VPS8: variants seen among roughly 807,000 people sequenced by gnomAD.
VPS8 encodes the protein vacuolar protein sorting-associated protein 8 homolog.
In VPS8, 129 loss-of-function variants were observed where a neutral mutation model predicts 216.4. The observed-to-expected ratio is 0.60, with a 90% CI of 0.52 to 0.69. The LOEUF (loss-of-function observed/expected upper bound fraction) is 0.69, where lower values mean the gene tolerates loss of function less well. Ranked by LOEUF, VPS8 falls within the 30% of genes least tolerant of loss-of-function variation. The probability of loss-of-function intolerance (pLI) is 0.00; values close to 1 mark genes in which losing one functional copy is unlikely to be tolerated. For synonymous variants in VPS8, 571 were observed against 565.4 expected (o/e 1.01, Z -0.14); for missense variants, 1,531 against 1,683.5 (o/e 0.91, Z 1.59).
At chr3:185,049,799 C>T (rs1487496583) in intron 47 of VPS8, among the ~76,000 whole-genome samples, 1 of 152,178 alleles carries the variant, frequency 6.6e-6, no homozygotes, top group African/African-American at 2.4e-5. Flanking sequence ...ACGCACTCCC[C>T]TTTCTTAGGC....
intron 25 of VPS8, among the ~76,000 whole-genome samples, chr3:184,903,997 C>T (rs1735040286): frequency 6.6e-6 from 1 of 151,762 alleles, no homozygotes; most frequent in African/African-American, 2.4e-5. Flanking sequence ...TTTTATTCAC[C>T]TTGATGCTGT....
At chr3:184,825,459 C>A (rs771106329) in intron 2 of VPS8, among the ~76,000 whole-genome samples, 1 of 152,084 alleles carries the variant, frequency 6.6e-6, no homozygotes, top group Non-Finnish European at 1.5e-5. Flanking sequence ...TTATCTCTCA[C>A]CATAATTTAT....
intron 44 of VPS8, among the ~76,000 whole-genome samples, chr3:184,998,732 G>T (rs917350777): frequency 1.3e-5 from 2 of 151,926 alleles, no homozygotes; most frequent in Non-Finnish European, 2.9e-5. Flanking sequence ...AATCAATAGG[G>T]AATTTCTTTA....
chr3:184,868,099 T>C, intron 18 of VPS8, 40 bp downstream of exon 18: 1 of 1,601,022 alleles, frequency 6.2e-7, no homozygotes, highest in African/African-American at 1.3e-5. Context: ...GTTACTGAAT[T>C]GGTAGCTTCT....
intron 28 of VPS8, among the ~76,000 whole-genome samples, chr3:184,915,957 T>A: frequency 6.6e-6 from 1 of 152,156 alleles, no homozygotes; most frequent in South Asian, 2.1e-4. Context: ...TTCCTTGCCT[T>A]CCTCCCTTTC....
At chr3:184,918,923 A>G (rs993346474) in intron 28 of VPS8, 4 of 152,236 alleles carry the variant, frequency 2.6e-5, no homozygotes, top group Admixed American at 1.3e-4. Context: ...CATATACATC[A>G]GAATAACTTC....
chr3:184,866,800 A>T, intron 16 of VPS8, 76 bp from the exon 17 acceptor site: 1 of 1,348,354 alleles, frequency 7.4e-7, no homozygotes, highest in Non-Finnish European at 1.0e-6. Flanking sequence ...AGTCATTAAT[A>T]GTGATGAAAT....
intron 37 of VPS8, among the ~76,000 whole-genome samples, chr3:184,957,797 A>G (rs1745864588): frequency 1.3e-5 from 2 of 152,224 alleles, no homozygotes; most frequent in Non-Finnish European, 2.9e-5. Context: ...GTATTTTAAC[A>G]AAGAGCCTTA....
chr3:184,873,555 T>A (rs1403079814), intron 21 of VPS8, among the ~76,000 whole-genome samples: 1 of 152,132 alleles, frequency 6.6e-6, no homozygotes, highest in African/African-American at 2.4e-5. Flanking sequence ...AATTATTTGT[T>A]CCAGGTCACA....
In VPS8 at chr3:184,999,740, G is replaced by A; in HGVS notation, c.3881G>A (p.Cys1294Tyr). 1.2e-6 allele frequency: 2 copies of A among 1,613,460 alleles called. No individual in the cohort carries two copies. The highest frequency in any genetic ancestry group is 2.2e-5 in the South Asian group (2 of 90,904). Residue 1294 changes from cysteine to tyrosine, a missense_variant, in exon 45 of 48, where the codon TGC becomes TAC. Physicochemically the swap from Cys to Tyr is radical, Grantham distance 194. Transcript: ENST00000625842. Reference protein sequence around the residue: ...YHSFCLQNKECTVEFEGQTRW... With the variant: ...YHSFCLQNKEYTVEFEGQTRW... ...TCATTCTGCCTACAAAACAAAGAAT[G>A]CACTGTGGAATTTGAGGGCCAAACA...
At chr3:184,925,365 C>T (rs1191699466) in intron 30 of VPS8, among the ~76,000 whole-genome samples, 1 of 152,160 alleles carries the variant, frequency 6.6e-6, no homozygotes, top group Non-Finnish European at 1.5e-5. Flanking sequence ...TCTTGTAATC[C>T]CGCTTAAATA....
intron 39 of VPS8, among the ~76,000 whole-genome samples, chr3:184,971,113 A>G (rs1748329344): frequency 6.6e-6 from 1 of 152,260 alleles, no homozygotes; most frequent in South Asian, 2.1e-4. Context: ...CAGGACATCC[A>G]TGTGGAAATA....
intron 5 of VPS8, among the ~76,000 whole-genome samples, chr3:184,836,895 A>G (rs1721192628): frequency 6.6e-6 from 1 of 152,208 alleles, no homozygotes; most frequent in Non-Finnish European, 1.5e-5. Flanking sequence ...TCAAAGTAGT[A>G]TGACATGTGA....
chr3:184,982,358 G>A, intron 40 of VPS8: 1 of 537,076 alleles, frequency 1.9e-6, no homozygotes, highest in African/African-American at 2.0e-5. Context: ...AAAGATGCCT[G>A]TTCTAGCTGT....
Position 184,863,031 on chromosome 3 carries a change from A to G in VPS8, c.1359A>G (p.Lys453=). The change falls in exon 16 of 48, where the codon AAA becomes AAG. Residue 453 remains lysine, a synonymous_variant. Coordinates refer to ENST00000625842, the MANE Select transcript of VPS8 (RefSeq NM_001009921.3). The part of the protein sequence containing the change: ...VQLVYNSSHF[K]SLATGGNVSQ... ...TGGTCTACAATAGCAGCCATTTCAA[A>G]TCACTAGCCACTGGAGGAAATGTTA... The G allele has an allele frequency of 6.2e-7, 1 of 1,613,942 alleles. No individual in the cohort carries two copies. Among genetic ancestry groups the G allele is most frequent in the Non-Finnish European group, 8.5e-7 (1 of 1,179,812 alleles).
intron 22 of VPS8, among the ~76,000 whole-genome samples, chr3:184,891,381 G>A (rs925402445): frequency 2.0e-5 from 3 of 152,126 alleles, no homozygotes; most frequent in Non-Finnish European, 4.4e-5. Context: ...TTGAGGAACT[G>A]GATGTTTAAA....
chr3:184,874,616 G>C (rs976079312), intron 21 of VPS8, among the ~76,000 whole-genome samples: 1 of 152,000 alleles, frequency 6.6e-6, no homozygotes, highest in Non-Finnish European at 1.5e-5. Flanking sequence ...AGGTGGACAG[G>C]GTTTTAGTTG....
intron 10 of VPS8, among the ~76,000 whole-genome samples, chr3:184,851,311 A>AAT (rs1724206589): frequency 1.3e-5 from 2 of 152,224 alleles, no homozygotes; most frequent in South Asian, 2.1e-4. Flanking sequence ...ACATGTAGAT[A>AAT]ATAACACTGG....
At chr3:184,955,534 C>T (rs921079423) in intron 36 of VPS8, among the ~76,000 whole-genome samples, 1 of 151,706 alleles carries the variant, frequency 6.6e-6, no homozygotes, top group Non-Finnish European at 1.5e-5. Context: ...CACGCCCAGT[C>T]GTTTGAGGCC....
Sources: allele counts gnomAD v4.1 joint callset (sites outside exome capture counted in the v4.1 genomes callset), GRCh38; gene constraint gnomAD v4.1.1; transcripts MANE v1.5; gene names NCBI Gene and HGNC (gene_info 2026-07-23, HGNC 2026-07-21).